The following ADGRD2 variants were observed in gnomAD, a reference collection of about 807,000 sequenced individuals.
The protein encoded by ADGRD2 is G protein-coupled receptor PGR24.
A neutral mutation model predicts 44.4 loss-of-function variants in ADGRD2; 71 were observed. The ratio of observed to expected loss-of-function variants is 1.60; its 90% CI spans 1.32 to 1.95. The LOEUF (loss-of-function observed/expected upper bound fraction) is 1.95. ADGRD2 is among the 30% of genes most tolerant of loss of function. ADGRD2 has a pLI of 0.00. For missense variants in ADGRD2, 1,039 were observed against 512.4 expected, an observed-to-expected ratio of 2.03 and a Z score of -9.92; for synonymous variants, 481 against 224.8, an observed-to-expected ratio of 2.14 and a Z score of -10.19.
chr9:124,456,938 C>T (rs1831629041), intron 7 of ADGRD2, among the ~76,000 whole-genome samples: 1 of 152,188 alleles, frequency 6.6e-6, no homozygotes, highest in African/African-American at 2.4e-5. Flanking sequence ...GGGCCTCACT[C>T]CCTCTAGGAA....
intron 10 of ADGRD2, among the ~76,000 whole-genome samples, chr9:124,461,656 A>C (rs969272950): frequency 6.7e-6 from 1 of 149,742 alleles, no homozygotes; most frequent in Non-Finnish European, 1.5e-5. Flanking sequence ...CCCTATGTTA[A>C]TTTCTTACTG....
intron 17 of ADGRD2, 74 bp from the exon 21 acceptor site, chr9:124,475,372 C>A: frequency 1.5e-6 from 1 of 673,164 alleles, no homozygotes; most frequent in Non-Finnish European, 2.7e-6. Context: ...GGCGCCGGGA[C>A]CCCAGGCAAG....
chr9:124,458,356 C>G (rs4838178), intron 9 of ADGRD2, 120 bp downstream of exon 12: 360,103 of 631,202 alleles, frequency 0.57, 103,943 homozygotes, highest in Middle Eastern at 0.69. Flanking sequence ...CTTTCCCACC[C>G]CTGCCCAACA....
chr9:124,471,848 A>C (rs1309237729), intron 17 of ADGRD2, among the ~76,000 whole-genome samples: 1 of 152,244 alleles, frequency 6.6e-6, no homozygotes, highest in Non-Finnish European at 1.5e-5. Context: ...TAGAGCAGGC[A>C]GACCATGGCC....
intron 9 of ADGRD2, 112 bp from the exon 13 acceptor site, chr9:124,458,504 C>A: frequency 1.6e-6 from 1 of 642,994 alleles, no homozygotes; most frequent in Non-Finnish European, 2.9e-6. Flanking sequence ...TTCCTGATAT[C>A]CCTTCGGACA....
intron 10 of ADGRD2, among the ~76,000 whole-genome samples, chr9:124,458,924 A>T (rs1831671635): frequency 6.6e-6 from 1 of 152,262 alleles, no homozygotes; most frequent in Admixed American, 6.5e-5. Flanking sequence ...TGCCACAGAT[A>T]CGCAGCCTTC....
chr9:124,476,870 G>C, intron 21 of ADGRD2, 161 bp downstream of exon 24: 1 of 696,908 alleles, frequency 1.4e-6, no homozygotes, highest in South Asian at 1.5e-5. Flanking sequence ...GAGCACTGGG[G>C]GCCTGGCGGG....
At chr9:124,468,659 C>T (rs765971009) in exon 14 of ADGRD2, 36 of 716,654 alleles carry the variant, frequency 5.0e-5, no homozygotes, top group Admixed American at 1.2e-4. Context: ...GGCTCTACCA[C>T]GCCACAGGCT....
At chr9:124,470,315 CA>C (rs112985430) in intron 16 of ADGRD2, among the ~76,000 whole-genome samples, 178 bp from the exon 20 acceptor site, 16 of 152,222 alleles carry the variant, frequency 1.1e-4, no homozygotes, top group African/African-American at 2.2e-4. Flanking sequence ...TCTCTGAGAA[CA>C]GGGGGGGCAA....
chr9:124,453,119 C>T (rs1297118366), exon 3 of ADGRD2: 1 of 701,486 alleles, frequency 1.4e-6, no homozygotes, highest in Non-Finnish European at 2.6e-6. Flanking sequence ...CCTGAGCTGG[C>T]AGCGCTGACC....
intron 8 of ADGRD2, among the ~76,000 whole-genome samples, chr9:124,457,843 G>T (rs1346852826): frequency 6.6e-6 from 1 of 152,224 alleles, no homozygotes; most frequent in Non-Finnish European, 1.5e-5. Context: ...GGTGGTGGAG[G>T]AAGATCCCCT....
exon 3 of ADGRD2, chr9:124,453,061 T>C: frequency 1.5e-6 from 1 of 676,110 alleles, no homozygotes; most frequent in Non-Finnish European, 2.7e-6. Context: ...CGTGCTGGTG[T>C]TCGACGAGAG....
At chr9:124,455,149 G>C in intron 6 of ADGRD2, 22 bp downstream of exon 9, 1 of 675,186 alleles carries the variant, frequency 1.5e-6, no homozygotes, top group South Asian at 1.6e-5. Context: ...AGGGCTGGGT[G>C]GGGCAGGGGC....
chr9:124,472,861 C>A (rs1831977778), intron 17 of ADGRD2, among the ~76,000 whole-genome samples: 1 of 152,234 alleles, frequency 6.6e-6, no homozygotes, highest in South Asian at 2.1e-4. Context: ...GCATGACACT[C>A]TCTTGTCTCT....
At chr9:124,466,007 C>CA in intron 10 of ADGRD2, 1 of 317,986 alleles carries the variant, frequency 3.1e-6, no homozygotes, top group Non-Finnish European at 5.7e-6. Context: ...AGGTAGGGAA[C>CA]CTTGGTCCCA....
rs75465690 is a variant in ADGRD2 at position 124,470,465 on chromosome 9, C to A, written c.2638-29C>A. The A allele has an allele frequency of 4.2e-3, 2,924 of 701,468 alleles. 70 individuals are homozygous for A. In the African/African-American group the frequency reaches 0.046, roughly 11 times the overall value. The allele number at this position is 701,468 out of a possible 1,614,324, so 43.5% of individuals were successfully genotyped here. A position where few individuals can be genotyped will look rare whatever the true frequency, so the allele number is the denominator to read the frequency against. On this transcript the variant is annotated intron_variant, in intron 16 of 21. Transcript: ENST00000334810. ...CGGGGAGCTCCCCAGGCCTCCCAAC[C>A]CCCGTCAGCCCTGCCTGCCCTCCTA... is the stretch of plus-strand genomic sequence containing the variant.
chr9:124,459,424 G>A (rs923406446), intron 10 of ADGRD2, among the ~76,000 whole-genome samples: 2 of 152,044 alleles, frequency 1.3e-5, no homozygotes, highest in African/African-American at 4.8e-5. Context: ...AACCCAGGAG[G>A]CGGAGGTTGT....
At chr9:124,474,298 A>AG (rs1554719817) in intron 17 of ADGRD2, among the ~76,000 whole-genome samples, 48 of 149,482 alleles carry the variant, frequency 3.2e-4, no homozygotes, top group African/African-American at 1.0e-3. Flanking sequence ...AAAAAAAAAA[A>AG]GAGCTCAGAT....
At chr9:124,463,602 T>C (rs1184244711) in intron 10 of ADGRD2, among the ~76,000 whole-genome samples, 1 of 152,210 alleles carries the variant, frequency 6.6e-6, no homozygotes, top group African/African-American at 2.4e-5. Context: ...TTTTTAATTG[T>C]GTGTTCTGTT....
Sources: gnomAD v4.1 joint callset for allele counts (sites outside exome capture counted in the v4.1 genomes callset) on GRCh38, gnomAD v4.1.1 for gene constraint, MANE v1.5 for transcripts, NCBI Gene and HGNC (gene_info 2026-07-23, HGNC 2026-07-21) for gene names.